ABCF2: variants seen among roughly 807,000 people sequenced by gnomAD.
ABCF2 encodes the protein ATP binding cassette subfamily F member 2.
ABCF2 carries 37 observed loss-of-function variants against 76.9 expected under a neutral mutation model. The ratio of observed to expected loss-of-function variants is 0.48; its 90% CI spans 0.37 to 0.63. ABCF2 has a LOEUF of 0.63. Ranked by LOEUF, ABCF2 falls within the 30% of genes least tolerant of loss-of-function variation. ABCF2 has a pLI of 0.00. For missense variants in ABCF2, 524 were observed against 782.1 expected, an observed-to-expected ratio of 0.67 and a Z score of 3.94; for synonymous variants, 299 against 283.7, an observed-to-expected ratio of 1.05 and a Z score of -0.54.
In ABCF2 at chr7:151,214,171, G is replaced by A. The variant is rs1338379184; in HGVS notation, c.1755C>T (p.Val585=). The A allele has an allele frequency of 1.9e-6, 3 of 1,614,054 alleles. No homozygotes were observed. Among genetic ancestry groups the A allele is most frequent in the Non-Finnish European group, 2.5e-6 (3 of 1,180,040 alleles). Reference sequence around the variant, plus strand: ...ACTTGGTGATTGTCTGCTTCTCACAGACCCAAATTTCCTGTGCAACCTAGA... The same window carrying A: ...ACTTGGTGATTGTCTGCTTCTCACAAACCCAAATTTCCTGTGCAACCTAGA... ...LIQQVAQEIW[V]CEKQTITKWP... Residue 585 remains valine (V), a synonymous_variant, in exon 15 of 15, where the codon GTC becomes GTT. Coordinates refer to ENST00000287844, the MANE Select transcript of ABCF2 (RefSeq NM_007189.3). The surrounding 1 kb of genome is among the most constrained non-coding windows in gnomAD (Gnocchi z 4.9).
At chr7:151,221,734 C>T in intron 6 of ABCF2, 54 bp from the exon 7 acceptor site, 1 of 1,334,478 alleles carries the variant, frequency 7.5e-7, no homozygotes, top group Non-Finnish European at 1.1e-6. Flanking sequence ...AGCTAGCTGA[C>T]AACAGGTGAA....
chr7:151,223,867 C>A lies in ABCF2; in HGVS notation c.551-18G>T. ...ACACTCCGCTGTGGACAGTGTATGG[C>A]CATGAGGCTCCTGGGGGCCTTTCTG... On this transcript the variant is annotated intron_variant, in intron 4 of 14. Coordinates refer to ENST00000287844, the MANE Select transcript of ABCF2 (RefSeq NM_007189.3). 6.2e-7 allele frequency: 1 copy of A among 1,606,714 alleles called. No individual in the cohort carries two copies.
chr7:151,219,456 C>A (rs887669359), intron 7 of ABCF2, among the ~76,000 whole-genome samples: 1 of 152,228 alleles, frequency 6.6e-6, no homozygotes, highest in Non-Finnish European at 1.5e-5. Context: ...GTCATACGGA[C>A]GTCACGAGGC....
rs943419814 is a variant in ABCF2 at position 151,219,123 on chromosome 7, G to C, written c.958C>G (p.Leu320Val). The C allele has an allele frequency of 6.2e-7, 1 of 1,613,962 alleles. No homozygotes were observed. The highest frequency in any genetic ancestry group is 1.7e-5 in the Admixed American group (1 of 60,000). The change falls in exon 8 of 15, where the codon CTG becomes GTG. Residue 320 changes from leucine to valine, a missense_variant. Leu to Val is a conservative substitution (Grantham distance 32). Coordinates refer to ENST00000287844, the MANE Select transcript of ABCF2 (RefSeq NM_007189.3). ...YDQYVKTRLELEENQMKRFHW... is the reference protein window; with the variant it reads ...YDQYVKTRLEVEENQMKRFHW... ...AACCTCTTCATCTGGTTCTCCTCCA[G>C]CTCTAGCCGCGTCTTCACGTACTGA...
At chr7:151,220,756 G>A (rs1323888469) in intron 7 of ABCF2, among the ~76,000 whole-genome samples, 15 of 152,230 alleles carry the variant, frequency 9.9e-5, no homozygotes, top group Admixed American at 6.5e-5. Flanking sequence ...GGGAGGCTGA[G>A]GAGGGCAGAT....
At chr7:151,218,305 C>T (rs1007739328) in intron 10 of ABCF2, 114 bp from the exon 11 acceptor site, 8 of 800,814 alleles carry the variant, frequency 1.0e-5, no homozygotes, top group African/African-American at 1.7e-5. Flanking sequence ...GGGAGAGTAG[C>T]GGGAGGAAGC....
intron 11 of ABCF2, among the ~76,000 whole-genome samples, chr7:151,217,253 C>T (rs1392608962): frequency 2.6e-5 from 4 of 152,136 alleles, no homozygotes; most frequent in Non-Finnish European, 4.4e-5. Flanking sequence ...CTCACACACC[C>T]GCACTCATTC....
At position 151,214,264 on chromosome 7, in the gene ABCF2, G is replaced by A; in HGVS notation, c.1735-73C>T. ...CCTCTGCCCAGCAGACTGTCCTGAG[G>A]GGCGTCTAGGAAGAAAACTCCGCCC... On this transcript the variant is annotated intron_variant, in intron 14 of 14. Transcript: ENST00000287844. The surrounding 1 kb of genome is among the most constrained non-coding windows in gnomAD (Gnocchi z 4.9). 1 of 1,608,970 alleles carries A rather than the reference G, an allele frequency of 6.2e-7. No individual in the cohort carries two copies.
chr7:151,212,145 G>A lies in ABCF2; in HGVS notation c.*1909C>T, dbSNP rs1195521739. 4.1e-6 allele frequency: 4 copies of A among 985,230 alleles called. No homozygotes were observed. The highest frequency in any genetic ancestry group is 3.6e-6 in the Non-Finnish European group (3 of 829,882). The allele number at this position is 985,230 out of a possible 1,614,324, so 61.0% of individuals were successfully genotyped here. On this transcript the variant is annotated 3_prime_UTR_variant, in exon 15 of 15. Coordinates refer to ENST00000287844, the MANE Select transcript of ABCF2 (RefSeq NM_007189.3). ...GGTTTAAGCACCATCTGGGACAGTT[G>A]CTCCCGCCAGTCCTGGCTGTATTAT...
At chr7:151,218,992 G>A (rs1802211089) in intron 8 of ABCF2, 72 bp downstream of exon 8, 7 of 1,609,762 alleles carry the variant, frequency 4.3e-6, no homozygotes, top group South Asian at 3.3e-5. Flanking sequence ...ACCGCTTCTC[G>A]AAATGCCCTC....
Position 151,218,666 on chromosome 7 carries a change from G to A in ABCF2, c.1138-16C>T. The A allele has an allele frequency of 1.2e-6, 2 of 1,613,662 alleles. No individual in the cohort carries two copies. Among genetic ancestry groups the A allele is most frequent in the Non-Finnish European group, 8.5e-7 (1 of 1,179,698 alleles). On this transcript the variant is annotated splice_polypyrimidine_tract_variant and intron_variant, in intron 9 of 14. Transcript: ENST00000287844. ...ATGACAGTGTCTAGGAAGAAAAGAG[G>A]GCATTTATCAAGTTGGCTCCTTTCT...
Position 151,213,519 on chromosome 7 carries a change from C to T in ABCF2, c.*535G>A, listed in dbSNP as rs1237803130. ...AGGAAGGTAGGGACCGTGGCTTCCT[C>T]TTTCTTTATTGGGCGCTTTGTAGAT... is the stretch of plus-strand genomic sequence containing the variant. On this transcript the variant is annotated 3_prime_UTR_variant, in exon 15 of 15. Transcript: ENST00000287844. 5 of 985,800 alleles carry T rather than the reference C, an allele frequency of 5.1e-6. No individual in the cohort carries two copies. Among genetic ancestry groups the T allele is most frequent in the Non-Finnish European group, 4.8e-6 (4 of 830,376 alleles). 61.1% of individuals were successfully genotyped at this position (985,800 alleles called of 1,614,324 possible).
rs769084929 is a variant in ABCF2 at position 151,219,069 on chromosome 7, T to C, written c.1012A>G (p.Met338Val). The C allele has an allele frequency of 5.6e-6, 9 of 1,614,084 alleles. No homozygotes were observed. The highest frequency in any genetic ancestry group is 5.9e-6 in the Non-Finnish European group (7 of 1,180,004). ...TGACTCTGCAGTCTCCCTACCTTCATGTGTGCAATCTGATCTTGCTCCCAG... is the reference window on the plus strand; with the variant it reads ...TGACTCTGCAGTCTCCCTACCTTCACGTGTGCAATCTGATCTTGCTCCCAG... The part of the protein sequence containing the change: ...FHWEQDQIAH[M>V]KNYIARFGHG... The change falls in exon 8 of 15, where the codon ATG (methionine) becomes GTG (valine). Residue 338 changes from methionine (M) to valine (V), a missense_variant. Met to Val is a conservative substitution (Grantham distance 21). Around this residue, in one of 2 missense-constraint regions of ABCF2, gnomAD observed 330 missense variants for 433.6 expected, o/e 0.76. Transcript: ENST00000287844.
In ABCF2 at chr7:151,213,079, C is replaced by G; in HGVS notation, c.*975G>C. The G allele has an allele frequency of 1.0e-6, 1 of 985,452 alleles. No individual in the cohort carries two copies. The highest frequency in any genetic ancestry group is 1.2e-6 in the Non-Finnish European group (1 of 829,962). The allele number at this position is 985,452 out of a possible 1,614,324, so 61.0% of individuals were successfully genotyped here. The stretch of plus-strand genomic sequence containing the variant: ...GCACCTGGCCTGCATTTTTAACAAG[C>G]AGCCCAACTGCTGTGCAGTTGGGGC... On this transcript the variant is annotated 3_prime_UTR_variant, in exon 15 of 15. Transcript: ENST00000287844.
Position 151,211,793 on chromosome 7 carries a change from C to T in ABCF2, c.*2261G>A. The T allele has an allele frequency of 1.0e-6, 1 of 985,452 alleles. No individual in the cohort carries two copies. The highest frequency in any genetic ancestry group is 1.2e-6 in the Non-Finnish European group (1 of 829,948). The allele number at this position is 985,452 out of a possible 1,614,324, so 61.0% of individuals were successfully genotyped here. A position where few individuals can be genotyped will look rare whatever the true frequency, so the allele number is the denominator to read the frequency against. On this transcript the variant is annotated 3_prime_UTR_variant, in exon 15 of 15. Transcript: ENST00000287844. ...GGACAGACTAACCTGGGCCATTTTG[C>T]TCCAGGCCCCACTTAAGGCATAAAG...
intron 9 of ABCF2, 23 bp from the exon 10 acceptor site, chr7:151,218,673 A>G (rs1279510808): frequency 6.2e-7 from 1 of 1,613,510 alleles, no homozygotes; most frequent in Non-Finnish European, 8.5e-7. Context: ...GAGGGCATTT[A>G]TCAAGTTGGC....
At chr7:151,224,735 C>A in intron 3 of ABCF2, 41 bp downstream of exon 3, 1 of 1,540,638 alleles carries the variant, frequency 6.5e-7, no homozygotes, top group Non-Finnish European at 9.0e-7. Flanking sequence ...GACAGATGAG[C>A]TAAGGAGAGA....
chr7:151,215,259 C>T lies in ABCF2; in HGVS notation c.1531-177G>A, dbSNP rs1223320926. 6.6e-6 allele frequency among the ~76,000 whole-genome samples: 1 copy of T among 152,138 alleles called. No homozygotes were observed. The highest frequency in any genetic ancestry group is 1.5e-5 in the Non-Finnish European group (1 of 68,020). On this transcript the variant is annotated intron_variant, in intron 13 of 14. Coordinates refer to ENST00000287844, the MANE Select transcript of ABCF2 (RefSeq NM_007189.3). This position sits in a 1 kb window ranked among gnomAD's most constrained non-coding sequence, Gnocchi z 4.6. ...AAGAGACTCATCCGGAAACCTGAAGCCCTTGCCATTACTAAGCCCACACCT... is the reference window on the plus strand; with the variant it reads ...AAGAGACTCATCCGGAAACCTGAAGTCCTTGCCATTACTAAGCCCACACCT...
rs1259498282 is a variant in ABCF2, at chr7:151,218,557, T to C, written c.1227+4A>G. The C allele has an allele frequency of 6.2e-7, 1 of 1,613,382 alleles. No individual in the cohort carries two copies. Among genetic ancestry groups the C allele is most frequent in the Non-Finnish European group, 8.5e-7 (1 of 1,179,384 alleles). On this transcript the variant is annotated splice_donor_region_variant and intron_variant, in intron 10 of 14. Coordinates refer to ENST00000287844, the MANE Select transcript of ABCF2 (RefSeq NM_007189.3). ...CAGCCACCCATGCCCTGCCCTGAAC[T>C]TACCCCATCTTTTGTATACTTGAAG...
Sources: gnomAD v4.1 joint callset for allele counts (sites outside exome capture counted in the v4.1 genomes callset) on GRCh38, gnomAD v4.1.1 for gene constraint, gnomAD v4.1.1 regional missense constraint, Gnocchi (gnomAD v3.1) non-coding constraint, MANE v1.5 for transcripts, NCBI Gene and HGNC (gene_info 2026-07-23, HGNC 2026-07-21) for gene names.